TBC1D22A: variants seen among roughly 807,000 people sequenced by gnomAD.
TBC1D22A encodes TBC1 domain family member 22A, also known as putative GTPase activator.
TBC1D22A carries 38 observed loss-of-function variants against 60.2 expected under a neutral mutation model. That is an observed-to-expected ratio of 0.63 (90% CI 0.49 to 0.83). The LOEUF is 0.83. Ranked by LOEUF, TBC1D22A falls within the 40% of genes least tolerant of loss-of-function variation. The pLI, the probability that TBC1D22A is intolerant of heterozygous loss-of-function variation, is 0.00. For synonymous variants in TBC1D22A, 302 were observed against 281.7 expected (o/e 1.07, Z -0.72); for missense variants, 628 against 701.0 (o/e 0.90, Z 1.18).
chr22:47,141,537 G>C (rs971121293), intron 12 of TBC1D22A, among the ~76,000 whole-genome samples: 9 of 152,234 alleles, frequency 5.9e-5, no homozygotes, highest in African/African-American at 2.2e-4. Flanking sequence ...GGCACTGTGA[G>C]TGGAACCCAG....
Position 47,174,702 on chromosome 22 carries a change from G to A in TBC1D22A, c.*1076G>A, listed in dbSNP as rs892145276. ...ACCACTCCTGCCCTGGACCACTCCTGCCCTGGACCGGTTCTGCCGTGGACT... is the reference window on the plus strand; with the variant it reads ...ACCACTCCTGCCCTGGACCACTCCTACCCTGGACCGGTTCTGCCGTGGACT... On this transcript the variant is annotated 3_prime_UTR_variant, in exon 13 of 13. Coordinates refer to ENST00000337137, the MANE Select transcript of TBC1D22A (RefSeq NM_014346.5). 1 of 152,096 alleles carries A rather than the reference G, an allele frequency of 6.6e-6. No homozygotes were observed. The highest frequency in any genetic ancestry group is 6.6e-5 in the Admixed American group (1 of 15,190). 9.4% of individuals were successfully genotyped at this position (152,096 alleles called of 1,614,324 possible).
Position 47,111,501 on chromosome 22 carries a change from C to A in TBC1D22A, c.1330-7C>A. 1 of 1,611,204 alleles carries A rather than the reference C, an allele frequency of 6.2e-7. No homozygotes were observed. Among genetic ancestry groups the A allele is most frequent in the African/African-American group, 1.3e-5 (1 of 74,760 alleles). ...AATTTCTCTCTTGGTTATTTTTTCT[C>A]TTTTAGTCTGAACCGGACGGCTTTT... On this transcript the variant is annotated splice_region_variant and splice_polypyrimidine_tract_variant and intron_variant, in intron 11 of 12. Coordinates refer to ENST00000337137, the MANE Select transcript of TBC1D22A (RefSeq NM_014346.5).
intron 11 of TBC1D22A, among the ~76,000 whole-genome samples, chr22:47,100,716 G>T (rs2065381338): frequency 6.6e-6 from 1 of 152,226 alleles, no homozygotes; most frequent in African/African-American, 2.4e-5. Flanking sequence ...CCCCAGCCAT[G>T]TGGAACTGTA....
chr22:46,841,534 C>T (rs2147221221), intron 4 of TBC1D22A, among the ~76,000 whole-genome samples: 1 of 152,324 alleles, frequency 6.6e-6, no homozygotes, highest in South Asian at 2.1e-4. Context: ...GTAACCCTGT[C>T]ATTTACAGCA....
intron 1 of TBC1D22A, among the ~76,000 whole-genome samples, chr22:46,774,624 C>A (rs575388030): frequency 3.0e-4 from 45 of 152,362 alleles, no homozygotes; most frequent in African/African-American, 1.0e-3. Flanking sequence ...CTGAGTCTGC[C>A]TTCCGTAAAC....
chr22:47,041,471 G>A (rs752752678), intron 11 of TBC1D22A, among the ~76,000 whole-genome samples: 23 of 152,264 alleles, frequency 1.5e-4, no homozygotes, highest in Admixed American at 3.3e-4. Context: ...AGGGACTGGA[G>A]TGTGAGAATC....
intron 9 of TBC1D22A, 148 bp from the exon 10 acceptor site, chr22:46,997,486 T>C (rs535257589): frequency 6.2e-6 from 4 of 643,972 alleles, no homozygotes; most frequent in Admixed American, 2.4e-5. Context: ...GCAGGGTGCA[T>C]CCACTTGTGT....
At chr22:47,039,935 C>CTTTTTTTTTTTTTTTTTTTTTT (rs570751261) in intron 11 of TBC1D22A, among the ~76,000 whole-genome samples, 1 of 77,284 alleles carries the variant, frequency 1.3e-5, no homozygotes, top group Admixed American at 1.4e-4. Flanking sequence ...GTGCCACAGC[C>CTTTTTTTTTTTTTTTTTTTTTT]TTTTTTTTTT....
intron 12 of TBC1D22A, among the ~76,000 whole-genome samples, chr22:47,113,547 C>T (rs567353739): frequency 3.3e-5 from 5 of 152,214 alleles, no homozygotes; most frequent in Non-Finnish European, 1.5e-5. Context: ...TGGGCAGACT[C>T]TAAGCCACAC....
intron 12 of TBC1D22A, among the ~76,000 whole-genome samples, chr22:47,141,686 C>T (rs1045536009): frequency 1.3e-5 from 2 of 152,186 alleles, no homozygotes; most frequent in Admixed American, 1.3e-4. Context: ...TTGAGCCACA[C>T]GCCTGTTTGT....
At chr22:46,963,072 T>A (rs1382329423) in intron 8 of TBC1D22A, among the ~76,000 whole-genome samples, 1 of 148,708 alleles carries the variant, frequency 6.7e-6, no homozygotes, top group Non-Finnish European at 1.5e-5. Flanking sequence ...AAAAAAAAAA[T>A]TAGCTGGGCG....
At chr22:47,094,514 A>G (rs1322265125) in intron 11 of TBC1D22A, among the ~76,000 whole-genome samples, 1 of 152,166 alleles carries the variant, frequency 6.6e-6, no homozygotes, top group African/African-American at 2.4e-5. Flanking sequence ...CTACCCCACC[A>G]GATTTTGTTC....
chr22:46,784,785 A>G (rs1388860007), intron 1 of TBC1D22A, among the ~76,000 whole-genome samples: 1 of 152,258 alleles, frequency 6.6e-6, no homozygotes, highest in East Asian at 1.9e-4. Flanking sequence ...GATAATATTG[A>G]TAAACGCTAT....
chr22:46,967,296 G>C (rs763724647), intron 8 of TBC1D22A, among the ~76,000 whole-genome samples: 9 of 152,174 alleles, frequency 5.9e-5, no homozygotes, highest in Non-Finnish European at 8.8e-5. Context: ...TCTCACCAAG[G>C]CAGGACTTTT....
intron 9 of TBC1D22A, among the ~76,000 whole-genome samples, chr22:46,995,552 T>C (rs1013945216): frequency 6.6e-6 from 1 of 151,890 alleles, no homozygotes; most frequent in Admixed American, 6.6e-5. Flanking sequence ...ACGTAGAGAG[T>C]GCTGGCTGCG....
At chr22:47,050,970 C>T (rs889813137) in intron 11 of TBC1D22A, among the ~76,000 whole-genome samples, 7 of 152,116 alleles carry the variant, frequency 4.6e-5, no homozygotes, top group Non-Finnish European at 8.8e-5. Flanking sequence ...GGGGCAGTCG[C>T]GGGGACCTTT....
At chr22:46,815,809 C>T (rs147469318) in intron 4 of TBC1D22A, among the ~76,000 whole-genome samples, 2,010 of 152,166 alleles carry the variant, frequency 0.013, 15 homozygotes, top group Middle Eastern at 0.041. Context: ...GTGCCTGGAC[C>T]TCCGTGGATG....
chr22:46,936,340 C>T (rs1370733923), intron 8 of TBC1D22A, among the ~76,000 whole-genome samples: 1 of 151,960 alleles, frequency 6.6e-6, no homozygotes, highest in African/African-American at 2.4e-5. Flanking sequence ...CGCCCTCGTC[C>T]TGGGGCCAGG....
At chr22:46,959,715 C>T (rs1206201201) in intron 8 of TBC1D22A, among the ~76,000 whole-genome samples, 1 of 152,170 alleles carries the variant, frequency 6.6e-6, no homozygotes, top group African/African-American at 2.4e-5. Flanking sequence ...CAAGCCCAGC[C>T]GCGCCTCCTG....
Sources: allele counts gnomAD v4.1 joint callset (sites outside exome capture counted in the v4.1 genomes callset), GRCh38; gene constraint gnomAD v4.1.1; transcripts MANE v1.5; gene names NCBI Gene and HGNC (gene_info 2026-07-23, HGNC 2026-07-21).